The following MYO5B variants were observed in gnomAD, a reference collection of about 807,000 sequenced individuals.
MYO5B encodes the protein myosin VB.
Under a neutral mutation model 229.3 loss-of-function variants are expected in MYO5B, and 143 were observed. The observed-to-expected ratio is 0.62, with a 90% CI of 0.54 to 0.72. The LOEUF (loss-of-function observed/expected upper bound fraction) is 0.72, where lower values mean the gene tolerates loss of function less well. MYO5B is among the 30% of genes least tolerant of loss of function. The pLI is 0.00. For synonymous variants in MYO5B, 918 were observed against 885.2 expected, an observed-to-expected ratio of 1.04 and a Z score of -0.66; for missense variants, 2,321 against 2,331.0, an observed-to-expected ratio of 1.00 and a Z score of 0.09.
At chr18:50,031,515 TA>T (rs992402752) in intron 4 of MYO5B, among the ~76,000 whole-genome samples, 2 of 152,176 alleles carry the variant, frequency 1.3e-5, no homozygotes, top group African/African-American at 4.8e-5. Context: ...TGCACTGGGG[TA>T]AAGCATGGAA....
At chr18:50,109,659 G>C (rs113309396) in intron 1 of MYO5B, among the ~76,000 whole-genome samples, 36,481 of 151,710 alleles carry the variant, frequency 0.24, 5,362 homozygotes, top group African/African-American at 0.42. Flanking sequence ...ATCTCCTGAC[G>C]TTGTGATCCA....
At chr18:50,052,990 C>A (rs1224785820) in intron 2 of MYO5B, among the ~76,000 whole-genome samples, 1 of 152,104 alleles carries the variant, frequency 6.6e-6, no homozygotes, top group African/African-American at 2.4e-5. Flanking sequence ...GGAGGATGCA[C>A]GAGGTTGGTT....
Position 49,984,592 on chromosome 18 carries a change from G to A in MYO5B, c.946+126C>T. ...GAGAGTAAGAGATGACATTCACCAG[G>A]GGCAAGAGGGCATCTCCCATTAGCT... On this transcript the variant is annotated intron_variant, in intron 8 of 39. Coordinates refer to ENST00000285039, the MANE Select transcript of MYO5B (RefSeq NM_001080467.3). 3.9e-6 allele frequency: 3 copies of A among 759,910 alleles called. No homozygotes were observed. The Admixed American group carries it at 5.7e-5, about 14-fold the overall frequency. 47.1% of individuals were successfully genotyped at this position (759,910 alleles called of 1,614,324 possible). A position where few individuals can be genotyped will look rare whatever the true frequency, so the allele number is the denominator to read the frequency against.
chr18:49,923,428 T>C (rs998601516), intron 17 of MYO5B, among the ~76,000 whole-genome samples: 10 of 152,162 alleles, frequency 6.6e-5, no homozygotes, highest in African/African-American at 2.4e-4. Flanking sequence ...CCAGAAACTG[T>C]TCTCATTCTA....
chr18:49,961,949 T>C (rs1404263659), intron 12 of MYO5B, among the ~76,000 whole-genome samples: 3 of 152,226 alleles, frequency 2.0e-5, no homozygotes, highest in East Asian at 1.9e-4. Context: ...CCATTAGATG[T>C]TGCAGTTCTT....
intron 1 of MYO5B, among the ~76,000 whole-genome samples, chr18:50,091,113 G>GCAACA (rs1320609683): frequency 1.3e-5 from 2 of 152,192 alleles, no homozygotes; most frequent in African/African-American, 4.8e-5. Flanking sequence ...ACAGGGAAGG[G>GCAACA]CAACAGCCCC....
At position 50,155,848 on chromosome 18, in the gene MYO5B, T is replaced by A. The variant is rs143318058; in HGVS notation, c.27+38919A>T. Among the ~76,000 whole-genome samples, 495 of 152,344 alleles carry A rather than the reference T, an allele frequency of 3.2e-3. 4 individuals carry two copies. Among genetic ancestry groups the A allele is most frequent in the African/African-American group, 0.012 (479 of 41,568 alleles). ...AAAAGTGCTTTATGAAATGTCACAG[T>A]GGCACCGAAGATGACTTCAACATAA... On this transcript the variant is annotated intron_variant, in intron 1 of 39. Coordinates refer to ENST00000285039, the MANE Select transcript of MYO5B (RefSeq NM_001080467.3).
At chr18:50,194,690 G>T in intron 1 of MYO5B, 77 bp downstream of exon 1, 1 of 1,083,644 alleles carries the variant, frequency 9.2e-7, no homozygotes, top group Non-Finnish European at 1.3e-6. Flanking sequence ...AGCCGAGGGA[G>T]AAGGCGACCC....
At chr18:50,084,425 G>A (rs1367248454) in intron 1 of MYO5B, among the ~76,000 whole-genome samples, 1 of 152,098 alleles carries the variant, frequency 6.6e-6, no homozygotes, top group Non-Finnish European at 1.5e-5. Context: ...AATACTCTCA[G>A]GGCAGGAAAA....
intron 1 of MYO5B, among the ~76,000 whole-genome samples, chr18:50,073,949 C>G (rs1244232718): frequency 6.6e-6 from 1 of 152,106 alleles, no homozygotes; most frequent in African/African-American, 2.4e-5. Flanking sequence ...CCCTGCCAAC[C>G]CCCTCCTCTC....
intron 4 of MYO5B, among the ~76,000 whole-genome samples, chr18:50,017,536 A>AT (rs1428115587): frequency 5.3e-5 from 8 of 152,200 alleles, no homozygotes; most frequent in African/African-American, 1.9e-4. Flanking sequence ...TTATATTTTA[A>AT]TTTTTTAGCT....
chr18:49,957,190 A>C (rs112368143), intron 12 of MYO5B, among the ~76,000 whole-genome samples: 1,953 of 142,824 alleles, frequency 0.014, 39 homozygotes, highest in African/African-American at 0.049. Context: ...GGGGGAGTGC[A>C]AGTTCTGGGC....
intron 4 of MYO5B, among the ~76,000 whole-genome samples, chr18:50,013,634 A>G (rs1194459054): frequency 6.6e-6 from 1 of 152,208 alleles, no homozygotes; most frequent in East Asian, 1.9e-4. Flanking sequence ...GTCCTTTTAT[A>G]CAGCACAGAT....
rs529785891 is a variant in MYO5B at position 50,169,109 on chromosome 18, A to G, written c.27+25658T>C. On this transcript the variant is annotated intron_variant, in intron 1 of 39. Coordinates refer to ENST00000285039, the MANE Select transcript of MYO5B (RefSeq NM_001080467.3). ...CTGCTTGAGCCCAAGAATTGAGACC[A>G]TCCTGGGCAGCATAGGGAGGCCCCA... 7.5e-4 allele frequency among the ~76,000 whole-genome samples: 93 copies of G among 124,420 alleles called. 23 individuals are homozygous for G. The East Asian group carries it at 0.02, about 26-fold the overall frequency. The allele number at this position is 124,420 out of a possible 152,430, so 81.6% of individuals were successfully genotyped here.
At chr18:49,921,417 T>C (rs2025074355) in intron 17 of MYO5B, among the ~76,000 whole-genome samples, 2 of 152,120 alleles carry the variant, frequency 1.3e-5, no homozygotes, top group Non-Finnish European at 2.9e-5. Flanking sequence ...GCACGAGACC[T>C]AGGAGCTGGG....
rs1363938406 is a variant in MYO5B at position 50,190,855 on chromosome 18, G to C, written c.27+3912C>G. On this transcript the variant is annotated intron_variant, in intron 1 of 39. Transcript: ENST00000285039. ...CACAAAAGCAACAGGTATAATCAAA[G>C]GGCTTTAAATTTTCCATTCCCAAAA... Among the ~76,000 whole-genome samples, 3 of 152,220 alleles carry C rather than the reference G, an allele frequency of 2.0e-5. No homozygotes were observed. The East Asian group carries it at 5.8e-4, about 29-fold the overall frequency.
At chr18:49,991,217 T>G (rs2025928937) in intron 6 of MYO5B, among the ~76,000 whole-genome samples, 1 of 152,088 alleles carries the variant, frequency 6.6e-6, no homozygotes, top group Admixed American at 6.6e-5. Context: ...GAGGTGCATA[T>G]AAAATGCAGG....
intron 10 of MYO5B, among the ~76,000 whole-genome samples, chr18:49,965,239 AC>A (rs1260276707): frequency 6.6e-6 from 1 of 152,122 alleles, no homozygotes. Context: ...TGCAGATAAG[AC>A]CCAGGCAACA....
intron 1 of MYO5B, among the ~76,000 whole-genome samples, chr18:50,079,612 T>C (rs971361332): frequency 1.3e-5 from 2 of 152,188 alleles, no homozygotes; most frequent in African/African-American, 4.8e-5. Flanking sequence ...AGAATATGAA[T>C]GGATGACTAT....
Sources: allele counts gnomAD v4.1 joint callset (sites outside exome capture counted in the v4.1 genomes callset), GRCh38; gene constraint gnomAD v4.1.1; transcripts MANE v1.5; gene names NCBI Gene and HGNC (gene_info 2026-07-23, HGNC 2026-07-21).